The following COL27A1 variants were observed in gnomAD, a reference collection of about 807,000 sequenced individuals.
COL27A1 encodes collagen type XXVII alpha 1 chain, also known as collagen alpha-1(XXVII) chain.
Under a neutral mutation model 251.3 loss-of-function variants are expected in COL27A1, and 106 were observed. The observed-to-expected ratio is 0.42, with a 90% CI of 0.36 to 0.50. COL27A1 has a LOEUF of 0.50. COL27A1 is among the 20% of genes least tolerant of loss of function. The pLI, the probability that COL27A1 is intolerant of heterozygous loss-of-function variation, is 0.00. For synonymous variants in COL27A1, 1,000 were observed against 986.3 expected (o/e 1.01, Z -0.26); for missense variants, 2,325 against 2,522.8 (o/e 0.92, Z 1.68).
intron 2 of COL27A1, among the ~76,000 whole-genome samples, chr9:114,165,902 CA>C (rs1848812333): frequency 1.3e-5 from 2 of 150,812 alleles, no homozygotes; most frequent in South Asian, 4.3e-4. Context: ...ATCTATCCAT[CA>C]ATTCATCCAT....
chr9:114,207,543 C>T (rs2135314930), intron 10 of COL27A1, among the ~76,000 whole-genome samples: 1 of 152,292 alleles, frequency 6.6e-6, no homozygotes, highest in East Asian at 1.9e-4. Context: ...ACTTGCCTGC[C>T]AGGCTGGTGG....
chr9:114,289,415 G>A (rs1010537474), intron 45 of COL27A1, 120 bp downstream of exon 45: 13 of 928,084 alleles, frequency 1.4e-5, no homozygotes, highest in Admixed American at 6.3e-5. Context: ...AGGGAGGGGC[G>A]GCCCACCAGG....
At chr9:114,248,845 A>G (rs1833332960) in intron 24 of COL27A1, among the ~76,000 whole-genome samples, 1 of 152,224 alleles carries the variant, frequency 6.6e-6, no homozygotes, top group South Asian at 2.1e-4. Context: ...TGGGCCAGTC[A>G]GGCAGGGGCC....
chr9:114,287,353 G>A (rs1033061359), intron 41 of COL27A1, among the ~76,000 whole-genome samples: 3 of 152,180 alleles, frequency 2.0e-5, no homozygotes, highest in African/African-American at 7.2e-5. Context: ...AGTTTCTGGG[G>A]CTGGAGTCTT....
At chr9:114,283,110 T>C (rs796130433) in intron 39 of COL27A1, among the ~76,000 whole-genome samples, 1 of 152,336 alleles carries the variant, frequency 6.6e-6, no homozygotes, top group African/African-American at 2.4e-5. Flanking sequence ...AGCTCCGATC[T>C]GGTTGTGTGT....
At chr9:114,237,790 G>C (rs1175732136) in intron 19 of COL27A1, 75 bp downstream of exon 19, 1 of 1,262,720 alleles carries the variant, frequency 7.9e-7, no homozygotes. Flanking sequence ...TGAGGCCCAG[G>C]GATGGGGAAA....
At chr9:114,285,255 G>T (rs1244377802) in intron 41 of COL27A1, among the ~76,000 whole-genome samples, 1 of 152,116 alleles carries the variant, frequency 6.6e-6, no homozygotes, top group African/African-American at 2.4e-5. Flanking sequence ...AGAGGGGAAG[G>T]CATGTTCATT....
chr9:114,267,432 C>A, intron 33 of COL27A1, 72 bp from the exon 34 acceptor site: 1 of 1,373,350 alleles, frequency 7.3e-7, no homozygotes, highest in Non-Finnish European at 1.0e-6. Flanking sequence ...CTCTTGGAGC[C>A]TCAGTTACCC....
intron 14 of COL27A1, among the ~76,000 whole-genome samples, chr9:114,223,954 C>T (rs369818903): frequency 5.9e-5 from 9 of 152,116 alleles, no homozygotes; most frequent in African/African-American, 1.7e-4. Context: ...AGCAGCTATC[C>T]GGGTTACTGA....
intron 24 of COL27A1, among the ~76,000 whole-genome samples, chr9:114,250,342 C>A (rs1833450564): frequency 6.6e-6 from 1 of 152,260 alleles, no homozygotes; most frequent in Non-Finnish European, 1.5e-5. Context: ...AGCCTCCCAG[C>A]CTGCTTCTGG....
At chr9:114,257,177 C>T (rs1833975525) in intron 27 of COL27A1, among the ~76,000 whole-genome samples, 1 of 152,194 alleles carries the variant, frequency 6.6e-6, no homozygotes, top group African/African-American at 2.4e-5. Context: ...CTCTGAGGCA[C>T]CAGATGGGGC....
intron 16 of COL27A1, among the ~76,000 whole-genome samples, chr9:114,233,825 A>G (rs1384024986): frequency 3.9e-5 from 6 of 152,192 alleles, no homozygotes; most frequent in Non-Finnish European, 7.4e-5. Context: ...AGGAAAATCA[A>G]ATGTCTTTAG....
At chr9:114,237,896 C>T (rs1305026500) in intron 19 of COL27A1, among the ~76,000 whole-genome samples, 181 bp downstream of exon 19, 1 of 152,208 alleles carries the variant, frequency 6.6e-6, no homozygotes, top group African/African-American at 2.4e-5. Context: ...CTCTTCTGCT[C>T]TTACTCAGGG....
At chr9:114,285,751 C>A (rs975920264) in intron 41 of COL27A1, among the ~76,000 whole-genome samples, 2 of 152,242 alleles carry the variant, frequency 1.3e-5, no homozygotes, top group Admixed American at 6.5e-5. Flanking sequence ...CTCCTGGGCC[C>A]TCGCAGCCTG....
chr9:114,158,221 A>G (rs1488236269), intron 1 of COL27A1, among the ~76,000 whole-genome samples: 1 of 152,194 alleles, frequency 6.6e-6, no homozygotes, highest in Non-Finnish European at 1.5e-5. Context: ...TAGTGTCCAC[A>G]GGGCCACTTT....
intron 41 of COL27A1, among the ~76,000 whole-genome samples, chr9:114,287,934 T>C (rs1296928211): frequency 1.3e-5 from 2 of 152,050 alleles, no homozygotes; most frequent in Non-Finnish European, 2.9e-5. Context: ...GCGGATGTCA[T>C]GAGTCTGCCT....
chr9:114,254,201 C>T (rs1833767046), intron 27 of COL27A1, among the ~76,000 whole-genome samples: 5 of 152,064 alleles, frequency 3.3e-5, no homozygotes, highest in African/African-American at 2.4e-5. Flanking sequence ...GCTGGACAAA[C>T]AGGGCTGAGG....
chr9:114,155,393 T>C (rs1303003659), upstream of COL27A1, among the ~76,000 whole-genome samples: 4 of 151,972 alleles, frequency 2.6e-5, no homozygotes, highest in African/African-American at 4.8e-5. The surrounding 1 kb of genome is among the most constrained non-coding windows in gnomAD (Gnocchi z 5.5). Flanking sequence ...GGGGCTGTAG[T>C]GGGCCAGCTG....
Position 114,172,766 on chromosome 9 carries a change from C to A in COL27A1, c.1908+3303C>A, listed in dbSNP as rs1849413715. On this transcript the variant is annotated intron_variant, in intron 3 of 60. Coordinates refer to ENST00000356083, the MANE Select transcript of COL27A1 (RefSeq NM_032888.4). ...CCGAGATCATGCCACTGCACTCCAG[C>A]CTGGGCAACAGAGTAAGACTCTGTC... is the stretch of plus-strand genomic sequence containing the variant. 2.6e-5 allele frequency among the ~76,000 whole-genome samples: 4 copies of A among 152,092 alleles called. No individual in the cohort carries two copies. The South Asian group carries it at 8.3e-4, about 32-fold the overall frequency.
Sources: gnomAD v4.1 joint callset for allele counts (sites outside exome capture counted in the v4.1 genomes callset) on GRCh38, gnomAD v4.1.1 for gene constraint, Gnocchi (gnomAD v3.1) non-coding constraint, MANE v1.5 for transcripts, NCBI Gene and HGNC (gene_info 2026-07-23, HGNC 2026-07-21) for gene names.